Variants in AHCY observed in about 807,000 individuals in gnomAD.
The protein encoded by AHCY is S-adenosyl-L-homocysteine hydrolase.
In AHCY, 24 loss-of-function variants were observed where a neutral mutation model predicts 45.4. The ratio of observed to expected loss-of-function variants is 0.53; its 90% CI spans 0.38 to 0.74. The LOEUF is 0.74. Among genes scored for constraint, AHCY ranks in the 30% least tolerant of loss-of-function variants. AHCY has a pLI of 0.00. For missense variants in AHCY, 449 were observed against 594.1 expected, an observed-to-expected ratio of 0.76 and a Z score of 2.54; for synonymous variants, 245 against 235.1, an observed-to-expected ratio of 1.04 and a Z score of -0.39.
chr20:34,253,329 A>T, the AHCY span, among the ~76,000 whole-genome samples: 4 of 150,862 alleles, frequency 2.7e-5, no homozygotes, highest in Non-Finnish European at 5.9e-5. Flanking sequence ...GATGGTCTTG[A>T]TCTCCTGACC....
At chr20:34,242,126 T>C in the AHCY span, among the ~76,000 whole-genome samples, 4 of 152,268 alleles carry the variant, frequency 2.6e-5, no homozygotes, top group South Asian at 2.1e-4. Context: ...GCTGTTTCCA[T>C]TGGAGGAGAT....
the AHCY span, among the ~76,000 whole-genome samples, chr20:34,256,696 G>A: frequency 6.6e-6 from 1 of 152,124 alleles, no homozygotes; most frequent in South Asian, 2.1e-4. Context: ...TTATGGTAAG[G>A]AAAACCCAAA....
intron 1 of AHCY, chr20:34,302,052 G>A (rs1183932135): frequency 4.3e-6 from 4 of 923,928 alleles, no homozygotes; most frequent in East Asian, 1.2e-4. Context: ...CCAGGTTGGA[G>A]CGTGGTGGTG....
chr20:34,253,628 A>C, the AHCY span, among the ~76,000 whole-genome samples: 1 of 151,328 alleles, frequency 6.6e-6, no homozygotes, highest in Non-Finnish European at 1.5e-5. Flanking sequence ...TGCACCACCA[A>C]GCCTGGCTAA....
intron 8 of AHCY, 73 bp from the exon 9 acceptor site, chr20:34,285,707 CCT>C: frequency 1.3e-6 from 2 of 1,538,538 alleles, no homozygotes; most frequent in Non-Finnish European, 1.8e-6. Context: ...ATCTGGCAGG[CCT>C]CTCTGCCTCC....
At chr20:34,254,016 A>ATT in the AHCY span, among the ~76,000 whole-genome samples, 2 of 152,304 alleles carry the variant, frequency 1.3e-5, no homozygotes, top group East Asian at 3.9e-4. Flanking sequence ...CCAGTTACAC[A>ATT]GCTACTCATT....
chr20:34,282,341 C>T (rs766063315), intron 9 of AHCY, among the ~76,000 whole-genome samples: 1 of 152,216 alleles, frequency 6.6e-6, no homozygotes, highest in Non-Finnish European at 1.5e-5. Flanking sequence ...ATCTTCCAGA[C>T]CCAGTCAAAC....
intron 3 of AHCY, among the ~76,000 whole-genome samples, chr20:34,293,029 C>T (rs1037536113): frequency 6.6e-6 from 1 of 152,060 alleles, no homozygotes; most frequent in African/African-American, 2.4e-5. Flanking sequence ...GAATCTCAGG[C>T]AAAGTCTGGC....
upstream of AHCY, chr20:34,303,415 G>T: frequency 3.3e-6 from 4 of 1,226,332 alleles, no homozygotes; most frequent in South Asian, 1.3e-5. Context: ...TTCATGACCC[G>T]CTGGGGCGGG....
chr20:34,279,250 TA>T (rs954087381), downstream of AHCY, among the ~76,000 whole-genome samples: 28 of 145,034 alleles, frequency 1.9e-4, no homozygotes, highest in African/African-American at 6.1e-4. Flanking sequence ...CCATCTCTAC[TA>T]AAAAAAAATA....
intron 9 of AHCY, among the ~76,000 whole-genome samples, chr20:34,284,320 C>T (rs998626984): frequency 1.6e-4 from 25 of 152,096 alleles, no homozygotes; most frequent in African/African-American, 5.8e-4. Context: ...CCACCATGCC[C>T]AGCTCATTTT....
chr20:34,268,974 C>G, the AHCY span: 4 of 1,591,298 alleles, frequency 2.5e-6, no homozygotes, highest in African/African-American at 1.3e-5. Context: ...CATAAAGCCC[C>G]GGCGTTTCCC....
At chr20:34,275,984 C>A (rs2035907608), downstream of AHCY, among the ~76,000 whole-genome samples, 1 of 152,102 alleles carries the variant, frequency 6.6e-6, no homozygotes, top group Non-Finnish European at 1.5e-5. Context: ...AGCTGCTGCA[C>A]CCGGTCTGTG....
the AHCY span, among the ~76,000 whole-genome samples, chr20:34,270,167 A>C: frequency 1.3e-5 from 2 of 151,242 alleles, no homozygotes; most frequent in East Asian, 3.9e-4. Context: ...CAGGAGAATC[A>C]CTTGAGCCCT....
At chr20:34,268,944 A>C in the AHCY span, 1 of 1,559,634 alleles carries the variant, frequency 6.4e-7, no homozygotes, top group Non-Finnish European at 8.7e-7. Flanking sequence ...TGAGGACCGG[A>C]GGGGTGGGCG....
chr20:34,291,326 C>T (rs370140782), intron 5 of AHCY, 93 bp downstream of exon 5: 1 of 1,199,296 alleles, frequency 8.3e-7, no homozygotes, highest in Non-Finnish European at 1.2e-6. Flanking sequence ...GGCTTCATGT[C>T]CCTAATCTCA....
intron 9 of AHCY, 69 bp from the exon 10 acceptor site, chr20:34,281,234 C>G: frequency 1.3e-6 from 2 of 1,598,670 alleles, no homozygotes; most frequent in South Asian, 2.2e-5. Context: ...GTCTGGCTGC[C>G]AATAGAGGCA....
chr20:34,241,830 A>G, the AHCY span, among the ~76,000 whole-genome samples: 1 of 152,212 alleles, frequency 6.6e-6, no homozygotes, highest in African/African-American at 2.4e-5. Flanking sequence ...ATGTCTTCAG[A>G]AAGTTGCTTG....
intron 3 of AHCY, 148 bp downstream of exon 3, chr20:34,293,933 T>C (rs2036485633): frequency 2.5e-6 from 2 of 801,416 alleles, no homozygotes; most frequent in South Asian, 2.9e-5. Flanking sequence ...AGCAGCTCTT[T>C]CCTGTGGGGT....
Sources: gnomAD v4.1 joint callset for allele counts (sites outside exome capture counted in the v4.1 genomes callset) on GRCh38, gnomAD v4.1.1 for gene constraint, MANE v1.5 for transcripts, NCBI Gene and HGNC (gene_info 2026-07-23, HGNC 2026-07-21) for gene names.